CASR: variants seen among roughly 807,000 people sequenced by gnomAD.
The protein encoded by CASR is extracellular calcium-sensing receptor.
In CASR, 23 loss-of-function variants were observed where a neutral mutation model predicts 69.1. That is an observed-to-expected ratio of 0.33 (90% CI 0.24 to 0.47). The LOEUF is 0.47. Among genes scored for constraint, CASR ranks in the 20% least tolerant of loss-of-function variants. The pLI, the probability that CASR is intolerant of heterozygous loss-of-function variation, is 1.00. For missense variants in CASR, 924 were observed against 1,356.1 expected, an observed-to-expected ratio of 0.68 and a Z score of 5.00; for synonymous variants, 541 against 544.7, an observed-to-expected ratio of 0.99 and a Z score of 0.10.
Position 122,189,474 on chromosome 3 carries a change from GTT to G in CASR, c.-243+5666_-243+5667del, listed in dbSNP as rs34584195. Among the ~76,000 whole-genome samples the G allele has an allele frequency of 2.6e-5, 4 of 152,264 alleles. No homozygotes were observed. In the East Asian group the frequency reaches 7.7e-4, roughly 29 times the overall value. On this transcript the variant is annotated intron_variant, in intron 1 of 6. Coordinates refer to ENST00000639785, the MANE Select transcript of CASR (RefSeq NM_000388.4). ...AACCTGAATTAATTTGTTTTAATGTGTTTTTCATCTATGATTGATTTTTTTTC... is the reference window on the plus strand; with the variant it reads ...AACCTGAATTAATTTGTTTTAATGTGTTTCATCTATGATTGATTTTTTTTC...
In CASR at chr3:122,237,504, A is replaced by G. The variant is rs190036291; in HGVS notation, c.-242-16444A>G. The stretch of plus-strand genomic sequence containing the variant: ...TACTATTGAAAAAGTCCAAATGCCC[A>G]CCAATGGGAAAATGAATGAATAAAT... On this transcript the variant is annotated intron_variant, in intron 1 of 6. Transcript: ENST00000639785. 2.0e-4 allele frequency among the ~76,000 whole-genome samples: 30 copies of G among 152,318 alleles called. 1 individual carries two copies. In the East Asian group the frequency reaches 5.6e-3, roughly 28 times the overall value.
chr3:122,236,240 A>G (rs1465136557), intron 1 of CASR, among the ~76,000 whole-genome samples: 2 of 152,210 alleles, frequency 1.3e-5, no homozygotes, highest in Admixed American at 6.5e-5. Flanking sequence ...TTATTTGGGG[A>G]AAGTTTATTC....
At chr3:122,186,516 C>A (rs1501898) in intron 1 of CASR, among the ~76,000 whole-genome samples, 29,666 of 152,156 alleles carry the variant, frequency 0.19, 3,842 homozygotes, top group Admixed American at 0.39. Flanking sequence ...TATAGAGTGC[C>A]TGGCTATGTG....
At chr3:122,257,823 A>C (rs928299582) in intron 3 of CASR, among the ~76,000 whole-genome samples, 12 of 152,246 alleles carry the variant, frequency 7.9e-5, no homozygotes, top group Non-Finnish European at 1.5e-4. Flanking sequence ...ACTTTAGCTC[A>C]GAGGGAAGCA....
intron 4 of CASR, among the ~76,000 whole-genome samples, chr3:122,269,407 G>A (rs757135151): frequency 2.0e-5 from 3 of 152,140 alleles, no homozygotes; most frequent in African/African-American, 4.8e-5. Flanking sequence ...CTATATTGCC[G>A]AGAGCTTTTA....
chr3:122,214,342 T>A (rs1300751239), intron 1 of CASR, among the ~76,000 whole-genome samples: 1 of 92,012 alleles, frequency 1.1e-5, no homozygotes. Context: ...GTGGCGGGGG[T>A]GGGGGGCAGT....
At chr3:122,265,943 A>T (rs2074688130) in intron 4 of CASR, among the ~76,000 whole-genome samples, 1 of 152,168 alleles carries the variant, frequency 6.6e-6, no homozygotes, top group Non-Finnish European at 1.5e-5. Context: ...GCCAGAGAAG[A>T]TGGAAGGGAG....
At chr3:122,253,572 T>A (rs1318412169) in intron 1 of CASR, among the ~76,000 whole-genome samples, 7 of 152,220 alleles carry the variant, frequency 4.6e-5, no homozygotes, top group Admixed American at 4.6e-4. Context: ...AGAACTTACA[T>A]GCTGAATAAA....
At chr3:122,261,251 T>C (rs1358166470) in intron 3 of CASR, among the ~76,000 whole-genome samples, 2 of 152,238 alleles carry the variant, frequency 1.3e-5, no homozygotes, top group Admixed American at 6.5e-5. Context: ...GTTGATTTTA[T>C]GGCCAGACCC....
chr3:122,191,101 T>A (rs994459656), intron 1 of CASR, among the ~76,000 whole-genome samples: 1 of 152,160 alleles, frequency 6.6e-6, no homozygotes, highest in Non-Finnish European at 1.5e-5. Context: ...AAGAAATGAG[T>A]TTCTTACTGT....
intron 1 of CASR, among the ~76,000 whole-genome samples, chr3:122,243,532 G>A (rs2074398488): frequency 6.6e-6 from 1 of 152,062 alleles, no homozygotes; most frequent in Non-Finnish European, 1.5e-5. Context: ...AATGAATGCT[G>A]GCAAGGATGT....
chr3:122,214,322 G>C (rs1207998773), intron 1 of CASR, among the ~76,000 whole-genome samples: 2 of 148,260 alleles, frequency 1.3e-5, no homozygotes, highest in East Asian at 4.0e-4. Context: ...TGGCTATATA[G>C]TATCTCAAGG....
rs397948846 is a variant in CASR at position 122,252,473 on chromosome 3, G to GAAAGAAAAGAA, written c.-242-1473_-242-1472insAGAAAAGAAAA. Among the ~76,000 whole-genome samples, 600 of 102,186 alleles carry GAAAGAAAAGAA rather than the reference G, an allele frequency of 5.9e-3. 17 individuals carry two copies. The highest frequency in any genetic ancestry group is 0.022 in the African/African-American group (574 of 25,838). The allele number at this position is 102,186 out of a possible 152,430, so 67.0% of individuals were successfully genotyped here. Reference sequence around the variant, plus strand: ...AAAAAAGAAAAGAAAGAAAAGAAAAGAAGGGAGGGAGGGAAGGAAGGAAGG... The same window carrying GAAAGAAAAGAA: ...AAAAAAGAAAAGAAAGAAAAGAAAAGAAAGAAAAGAAAAGGGAGGGAGGGAAGGAAGGAAGG... On this transcript the variant is annotated intron_variant, in intron 1 of 6. Transcript: ENST00000639785.
In CASR at chr3:122,257,417, G is replaced by T. The variant is rs377262903; in HGVS notation, c.492+30G>T. 10 of 1,565,816 alleles carry T rather than the reference G, an allele frequency of 6.4e-6. No homozygotes were observed. The African/African-American group carries it at 1.3e-4, about 21-fold the overall frequency. ...TCAAGCCTTCTCAGGCGGGGCACTG[G>T]GAGCAGGATCAGAAGAAGCAGGCTT... On this transcript the variant is annotated intron_variant, in intron 3 of 6. Coordinates refer to ENST00000639785, the MANE Select transcript of CASR (RefSeq NM_000388.4).
intron 1 of CASR, among the ~76,000 whole-genome samples, chr3:122,241,015 A>G (rs1266144617): frequency 6.6e-6 from 1 of 152,118 alleles, no homozygotes; most frequent in Non-Finnish European, 1.5e-5. Context: ...ACCAAAACCT[A>G]TGCAATATAG....
chr3:122,203,434 C>T (rs1220564247), intron 1 of CASR, among the ~76,000 whole-genome samples: 1 of 152,202 alleles, frequency 6.6e-6, no homozygotes, highest in Admixed American at 6.5e-5. Flanking sequence ...TAGCCAATTG[C>T]TCCTAGGCTA....
chr3:122,251,902 G>A (rs2074488029), intron 1 of CASR, among the ~76,000 whole-genome samples: 1 of 152,220 alleles, frequency 6.6e-6, no homozygotes, highest in African/African-American at 2.4e-5. Flanking sequence ...GTGCTCCAAA[G>A]CACTTGTCCT....
intron 1 of CASR, among the ~76,000 whole-genome samples, chr3:122,240,667 G>C (rs1191131375): frequency 1.3e-5 from 2 of 152,162 alleles, no homozygotes; most frequent in Admixed American, 1.3e-4. Flanking sequence ...TTAATCTGCA[G>C]TATGAAACAA....
intron 1 of CASR, among the ~76,000 whole-genome samples, chr3:122,239,105 C>T (rs2074356735): frequency 6.6e-6 from 1 of 152,184 alleles, no homozygotes; most frequent in African/African-American, 2.4e-5. Context: ...GTGTGGAGCA[C>T]CAAGCGGGCT....
Sources: gnomAD v4.1 joint callset for allele counts (sites outside exome capture counted in the v4.1 genomes callset) on GRCh38, gnomAD v4.1.1 for gene constraint, MANE v1.5 for transcripts, NCBI Gene and HGNC (gene_info 2026-07-23, HGNC 2026-07-21) for gene names.